The following RAB27A variants were observed in gnomAD, a reference collection of about 807,000 sequenced individuals.
RAB27A encodes the protein RAB27A, member RAS oncogene family, also known as ras-related protein Rab-27A.
RAB27A carries 17 observed loss-of-function variants against 20.8 expected under a neutral mutation model. That is an observed-to-expected ratio of 0.82 (90% CI 0.56 to 1.23). The LOEUF (loss-of-function observed/expected upper bound fraction) is 1.23, where lower values mean the gene tolerates loss of function less well. Among genes scored for constraint, RAB27A ranks in the 50% most tolerant of loss-of-function variants. The pLI, the probability that RAB27A is intolerant of heterozygous loss-of-function variation, is 0.00. For synonymous variants in RAB27A, 85 were observed against 92.8 expected (o/e 0.92, Z 0.48); for missense variants, 277 against 266.7 (o/e 1.04, Z -0.27).
chr15:55,282,776 G>A (rs1482030809), intron 1 of RAB27A, among the ~76,000 whole-genome samples: 1 of 152,072 alleles, frequency 6.6e-6, no homozygotes, highest in Non-Finnish European at 1.5e-5. Flanking sequence ...CCTCCTGCTG[G>A]TAGGCTGTTC....
chr15:55,273,594 G>GT (rs1361530129), intron 1 of RAB27A, among the ~76,000 whole-genome samples: 1 of 151,980 alleles, frequency 6.6e-6, no homozygotes, highest in Non-Finnish European at 1.5e-5. Context: ...GAAAGCAGGG[G>GT]TGACTATACT....
intron 2 of RAB27A, among the ~76,000 whole-genome samples, chr15:55,240,456 A>G (rs1279920612): frequency 6.6e-6 from 1 of 152,126 alleles, no homozygotes; most frequent in Non-Finnish European, 1.5e-5. Flanking sequence ...AACAATCCTC[A>G]TCACTGCCCT....
chr15:55,214,876 T>C (rs1196038644), intron 6 of RAB27A, among the ~76,000 whole-genome samples: 2 of 152,180 alleles, frequency 1.3e-5, no homozygotes, highest in African/African-American at 4.8e-5. Context: ...GTTACAAGAA[T>C]AGAATTTTAG....
At chr15:55,312,027 A>G (rs779988077) in intron 2 of RAB27A, among the ~76,000 whole-genome samples, 4 of 152,222 alleles carry the variant, frequency 2.6e-5, no homozygotes, top group Non-Finnish European at 1.5e-5. Flanking sequence ...TTATAGCTCT[A>G]TTAGAAGCCG....
chr15:55,209,889 C>CGG (rs1479331118), intron 6 of RAB27A, among the ~76,000 whole-genome samples: 1 of 103,188 alleles, frequency 9.7e-6, no homozygotes, highest in African/African-American at 6.5e-5. Context: ...TGTGTGTATA[C>CGG]ATATATACAC....
chr15:55,318,413 A>C (rs1298242080), intron 1 of RAB27A, among the ~76,000 whole-genome samples: 1 of 145,118 alleles, frequency 6.9e-6, no homozygotes, highest in Admixed American at 6.8e-5. Flanking sequence ...TACTTTTAAC[A>C]AGAGGAGTGG....
chr15:55,235,759 TAAAG>T lies in RAB27A; in HGVS notation c.-22-807_-22-804del, dbSNP rs1383548701. Among the ~76,000 whole-genome samples the T allele has an allele frequency of 5.3e-5, 8 of 152,056 alleles. No individual in the cohort carries two copies. The East Asian group carries it at 1.5e-3, about 29-fold the overall frequency. On this transcript the variant is annotated intron_variant, in intron 2 of 6. Transcript: ENST00000336787. ...AAATGCTCACCAGTCAATGAGTAGA[TAAAG>T]AAATTGTGGTACACCACAATTTTTT... is the stretch of plus-strand genomic sequence containing the variant.
intron 2 of RAB27A, among the ~76,000 whole-genome samples, chr15:55,263,957 T>C (rs962332100): frequency 6.6e-6 from 1 of 152,206 alleles, no homozygotes; most frequent in African/African-American, 2.4e-5. Flanking sequence ...AAAACCACAT[T>C]AAACATCGTA....
chr15:55,268,077 T>G (rs1319969100), intron 2 of RAB27A, among the ~76,000 whole-genome samples: 1 of 152,054 alleles, frequency 6.6e-6, no homozygotes, highest in Non-Finnish European at 1.5e-5. Flanking sequence ...TAAACTCCTT[T>G]GGAATGTATT....
chr15:55,233,687 G>C (rs1228823906), intron 3 of RAB27A, among the ~76,000 whole-genome samples: 1 of 152,076 alleles, frequency 6.6e-6, no homozygotes, highest in African/African-American at 2.4e-5. Context: ...TAGGTATGAG[G>C]TTTCTTTTTA....
At chr15:55,209,782 A>G (rs1416589431) in intron 6 of RAB27A, among the ~76,000 whole-genome samples, 1 of 127,754 alleles carries the variant, frequency 7.8e-6, no homozygotes, top group Non-Finnish European at 1.6e-5. Context: ...ATATATACAC[A>G]CATATGTGTG....
At chr15:55,315,423 A>C (rs1343250561) in intron 1 of RAB27A, among the ~76,000 whole-genome samples, 1 of 152,258 alleles carries the variant, frequency 6.6e-6, no homozygotes, top group Non-Finnish European at 1.5e-5. Flanking sequence ...GGATCTAATT[A>C]AAGAGCTTCT....
chr15:55,295,204 G>A (rs76031382), intron 2 of RAB27A, among the ~76,000 whole-genome samples: 7,708 of 151,978 alleles, frequency 0.051, 273 homozygotes, highest in East Asian at 0.15. Context: ...AAGAAGGAAG[G>A]AGAAGGAAAG....
intron 2 of RAB27A, among the ~76,000 whole-genome samples, chr15:55,304,911 C>T (rs909546233): frequency 4.6e-5 from 7 of 151,948 alleles, no homozygotes; most frequent in African/African-American, 2.4e-5. Context: ...AGAGTGAAAA[C>T]GGAGCTCCCA....
chr15:55,270,934 A>T (rs984628884), intron 1 of RAB27A: 1 of 152,316 alleles, frequency 6.6e-6, no homozygotes, highest in African/African-American at 2.4e-5. Context: ...ATCCCAACAC[A>T]GCCAGAAATC....
chr15:55,312,975 T>A (rs1682593703), intron 2 of RAB27A, among the ~76,000 whole-genome samples: 1 of 152,200 alleles, frequency 6.6e-6, no homozygotes, highest in Non-Finnish European at 1.5e-5. Flanking sequence ...GTCATAGCCC[T>A]GACAGAGGCT....
chr15:55,294,589 GAA>G (rs1181179911), upstream of RAB27A, among the ~76,000 whole-genome samples: 339 of 29,150 alleles, frequency 0.012, 1 homozygote, highest in African/African-American at 0.039. Context: ...CCCTGTCTCC[GAA>G]AAAAAAAAAA....
At chr15:55,263,131 T>G (rs1429330237) in intron 2 of RAB27A, among the ~76,000 whole-genome samples, 3 of 152,214 alleles carry the variant, frequency 2.0e-5, no homozygotes, top group African/African-American at 7.2e-5. Context: ...CTCACTTTCC[T>G]GGTTTCTGCT....
At chr15:55,207,974 A>T (rs1426066747) in intron 6 of RAB27A, among the ~76,000 whole-genome samples, 2 of 152,198 alleles carry the variant, frequency 1.3e-5, no homozygotes, top group African/African-American at 4.8e-5. Context: ...TGAACTTTTA[A>T]TTTTAACTTA....
Sources: gnomAD v4.1 joint callset for allele counts (sites outside exome capture counted in the v4.1 genomes callset) on GRCh38, gnomAD v4.1.1 for gene constraint, MANE v1.5 for transcripts, NCBI Gene and HGNC (gene_info 2026-07-23, HGNC 2026-07-21) for gene names.